ICA1: variants seen among roughly 807,000 people sequenced by gnomAD.
The protein encoded by ICA1 is islet cell autoantigen 1, also known as 69 kDa islet cell autoantigen.
In ICA1, 40 loss-of-function variants were observed where a neutral mutation model predicts 71.0. That is an observed-to-expected ratio of 0.56 (90% CI 0.44 to 0.73). The LOEUF is 0.73. Ranked by LOEUF, ICA1 falls within the 30% of genes least tolerant of loss-of-function variation. The pLI is 0.00. For missense variants in ICA1, 578 were observed against 576.5 expected (o/e 1.00, Z -0.03); for synonymous variants, 207 against 209.5 (o/e 0.99, Z 0.10).
intron 6 of ICA1, among the ~76,000 whole-genome samples, chr7:8,206,248 G>A (rs1791503591): frequency 6.6e-6 from 1 of 151,934 alleles, no homozygotes; most frequent in Admixed American, 6.6e-5. Flanking sequence ...TTTCCCTCAG[G>A]CACTAGTTTT....
intron 1 of ICA1, among the ~76,000 whole-genome samples, chr7:8,249,024 T>C (rs1470434121): frequency 6.6e-6 from 1 of 152,248 alleles, no homozygotes; most frequent in Non-Finnish European, 1.5e-5. Flanking sequence ...AGTAATTCTT[T>C]AAAATCAAAC....
At chr7:8,197,709 G>A (rs1284017831) in intron 6 of ICA1, among the ~76,000 whole-genome samples, 6 of 151,726 alleles carry the variant, frequency 4.0e-5, no homozygotes, top group Non-Finnish European at 7.4e-5. Context: ...GGGCACAAAC[G>A]AGAACAAAGA....
chr7:8,158,452 A>G lies in ICA1; in HGVS notation c.705+75T>C. 3 of 1,566,668 alleles carry G rather than the reference A, an allele frequency of 1.9e-6. No individual in the cohort carries two copies. In the South Asian group the frequency reaches 3.5e-5, roughly 18 times the overall value. On this transcript the variant is annotated intron_variant, in intron 7 of 13. Transcript: ENST00000402384. Reference sequence around the variant, plus strand: ...TTCACAATGGCCAAAGCTTACTTTTAGCTCAAACACCATTTTGATGTTATT... The same window carrying G: ...TTCACAATGGCCAAAGCTTACTTTTGGCTCAAACACCATTTTGATGTTATT...
intron 2 of ICA1, among the ~76,000 whole-genome samples, chr7:8,233,884 C>A (rs1170635703): frequency 1.3e-5 from 2 of 152,070 alleles, no homozygotes; most frequent in Non-Finnish European, 2.9e-5. Context: ...AGCCATTTTT[C>A]AGGAGGATCA....
chr7:8,113,346 G>C lies in ICA1; in HGVS notation c.*577C>G, dbSNP rs1783764625. On this transcript the variant is annotated 3_prime_UTR_variant, in exon 14 of 14. Coordinates refer to ENST00000402384, the MANE Select transcript of ICA1 (RefSeq NM_001136020.3). This position sits in a 1 kb window ranked among gnomAD's most constrained non-coding sequence, Gnocchi z 4.2. ...CTTTCCATAGTAAGGTTTGTGCCTT[G>C]GACAGAAGCCCAGCTCCTCCACCAG... 1 of 152,554 alleles carries C rather than the reference G, an allele frequency of 6.6e-6. No individual in the cohort carries two copies. Among genetic ancestry groups the C allele is most frequent in the African/African-American group, 2.4e-5 (1 of 41,456 alleles). The allele number at this position is 152,554 out of a possible 1,614,324, so 9.5% of individuals were successfully genotyped here.
chr7:8,231,290 G>A (rs1417404561), intron 3 of ICA1, among the ~76,000 whole-genome samples: 5 of 152,104 alleles, frequency 3.3e-5, no homozygotes, highest in East Asian at 1.9e-4. Flanking sequence ...CAATGTAAGC[G>A]TGTGGGAGAG....
chr7:8,138,801 C>A, intron 12 of ICA1, 39 bp downstream of exon 12: 1 of 1,472,002 alleles, frequency 6.8e-7, no homozygotes, highest in East Asian at 2.3e-5. Context: ...TTTAAAAAAT[C>A]AAACAAATCA....
intron 6 of ICA1, among the ~76,000 whole-genome samples, chr7:8,174,577 T>C (rs1007561430): frequency 1.6e-4 from 24 of 151,812 alleles, no homozygotes; most frequent in African/African-American, 4.3e-4. Context: ...GTGGGTCGCT[T>C]GAGCTCAGGA....
At chr7:8,257,729 TCTA>T (rs1197776549) in intron 1 of ICA1, among the ~76,000 whole-genome samples, 1 of 152,144 alleles carries the variant, frequency 6.6e-6, no homozygotes, top group Non-Finnish European at 1.5e-5. Context: ...TCCCCTATTT[TCTA>T]CTAATACCTC....
At chr7:8,224,890 G>A (rs917064113) in intron 4 of ICA1, among the ~76,000 whole-genome samples, 4 of 152,160 alleles carry the variant, frequency 2.6e-5, no homozygotes, top group African/African-American at 9.7e-5. Context: ...ATTAGACTGT[G>A]GTTACAGATA....
At chr7:8,119,717 G>C (rs567985337) in intron 13 of ICA1, among the ~76,000 whole-genome samples, 1 of 152,140 alleles carries the variant, frequency 6.6e-6, no homozygotes, top group South Asian at 2.1e-4. Context: ...GTGGTGGCGG[G>C]CACCTGTAAT....
chr7:8,205,078 CAA>C (rs56223249), intron 6 of ICA1, among the ~76,000 whole-genome samples: 2,121 of 109,584 alleles, frequency 0.019, 36 homozygotes, highest in African/African-American at 0.059. Flanking sequence ...GGAAGACATG[CAA>C]AAAAAAAAAA....
At chr7:8,124,625 A>C (rs1285062881) in intron 13 of ICA1, among the ~76,000 whole-genome samples, 1 of 152,182 alleles carries the variant, frequency 6.6e-6, no homozygotes, top group Non-Finnish European at 1.5e-5. Flanking sequence ...AACTGGGAGC[A>C]CCTGCTGGGA....
At chr7:8,209,632 T>G (rs1792906654) in intron 6 of ICA1, among the ~76,000 whole-genome samples, 1 of 152,236 alleles carries the variant, frequency 6.6e-6, no homozygotes, top group African/African-American at 2.4e-5. Context: ...ATTTGCTCAT[T>G]TGATAAACAT....
At chr7:8,210,631 A>G (rs1583283640) in intron 6 of ICA1, among the ~76,000 whole-genome samples, 1 of 101,626 alleles carries the variant, frequency 9.8e-6, no homozygotes, top group Non-Finnish European at 1.9e-5. Flanking sequence ...CATCCAACTA[A>G]AAGTAGACCA....
intron 1 of ICA1, among the ~76,000 whole-genome samples, chr7:8,245,256 T>C (rs1315454478): frequency 3.3e-5 from 5 of 152,136 alleles, no homozygotes; most frequent in Non-Finnish European, 5.9e-5. Context: ...TCATGTCCTT[T>C]GCAAGGACAT....
In ICA1 at chr7:8,223,785, CA is replaced by C. The variant is rs886265715; in HGVS notation, c.257-2388del. Among the ~76,000 whole-genome samples, 2 of 151,590 alleles carry C rather than the reference CA, an allele frequency of 1.3e-5. No homozygotes were observed. The highest frequency in any genetic ancestry group is 4.8e-5 in the African/African-American group (2 of 41,282). ...CTCTATTACAAGAAGAAAGCAAAAA[CA>C]AAAAAAGATAACTCAAAATGTTCTA... is the stretch of plus-strand genomic sequence containing the variant. On this transcript the variant is annotated intron_variant, in intron 4 of 13. Coordinates refer to ENST00000402384, the MANE Select transcript of ICA1 (RefSeq NM_001136020.3). This position sits in a 1 kb window ranked among gnomAD's most constrained non-coding sequence, Gnocchi z 4.1.
At chr7:8,176,399 A>G (rs1004620663) in intron 6 of ICA1, among the ~76,000 whole-genome samples, 1 of 152,196 alleles carries the variant, frequency 6.6e-6, no homozygotes, top group Non-Finnish European at 1.5e-5. Context: ...CCCTCAGCAG[A>G]GTTAGCAGCT....
intron 13 of ICA1, among the ~76,000 whole-genome samples, chr7:8,115,884 TA>T (rs1406660483): frequency 6.6e-6 from 1 of 152,220 alleles, no homozygotes; most frequent in African/African-American, 2.4e-5. Context: ...GTGCACAAAT[TA>T]AATGCCCTAT....
Sources: gnomAD v4.1 joint callset for allele counts (sites outside exome capture counted in the v4.1 genomes callset) on GRCh38, gnomAD v4.1.1 for gene constraint, Gnocchi (gnomAD v3.1) non-coding constraint, MANE v1.5 for transcripts, NCBI Gene and HGNC (gene_info 2026-07-23, HGNC 2026-07-21) for gene names.